The following DNAH3 variants were observed in gnomAD, a reference collection of about 807,000 sequenced individuals.
DNAH3 encodes the protein axonemal beta dynein heavy chain 3.
Under a neutral mutation model 432.5 loss-of-function variants are expected in DNAH3, and 332 were observed. That is an observed-to-expected ratio of 0.77 (90% CI 0.70 to 0.84). The LOEUF (loss-of-function observed/expected upper bound fraction) is 0.84. Ranked by LOEUF, DNAH3 falls within the 40% of genes least tolerant of loss-of-function variation. The probability of loss-of-function intolerance (pLI) is 0.00; values close to 1 mark genes in which losing one functional copy is unlikely to be tolerated. For missense variants in DNAH3, 4,861 were observed against 5,114.0 expected (o/e 0.95, Z 1.51); for synonymous variants, 1,956 against 1,900.2 (o/e 1.03, Z -0.76).
chr16:20,957,002 T>G (rs1316504963), intron 54 of DNAH3, among the ~76,000 whole-genome samples: 2 of 152,178 alleles, frequency 1.3e-5, no homozygotes, highest in Non-Finnish European at 2.9e-5. Flanking sequence ...GGATTACAGG[T>G]GTGAGCCACC....
chr16:21,069,972 C>A (rs1310562320), intron 22 of DNAH3, among the ~76,000 whole-genome samples: 2 of 152,118 alleles, frequency 1.3e-5, no homozygotes, highest in Admixed American at 1.3e-4. Flanking sequence ...TGAAACACAA[C>A]AGTTTAGTAA....
intron 22 of DNAH3, among the ~76,000 whole-genome samples, chr16:21,069,809 C>T (rs920013120): frequency 6.6e-6 from 1 of 152,166 alleles, no homozygotes; most frequent in Non-Finnish European, 1.5e-5. Context: ...TTGCCCTTTA[C>T]GGAGCTCACG....
intron 14 of DNAH3, among the ~76,000 whole-genome samples, 184 bp downstream of exon 14, chr16:21,111,442 G>T (rs2092069266): frequency 6.6e-6 from 1 of 152,014 alleles, no homozygotes; most frequent in Admixed American, 6.6e-5. Context: ...CCCCCATGTC[G>T]CTTTCTCTTG....
intron 41 of DNAH3, among the ~76,000 whole-genome samples, chr16:21,004,069 G>C (rs1031335157): frequency 1.3e-5 from 2 of 152,084 alleles, no homozygotes; most frequent in Admixed American, 6.5e-5. Flanking sequence ...TGACTTTCAG[G>C]TACAGTTTTT....
intron 54 of DNAH3, among the ~76,000 whole-genome samples, chr16:20,957,145 T>C (rs1474554564): frequency 6.6e-6 from 1 of 152,234 alleles, no homozygotes; most frequent in Non-Finnish European, 1.5e-5. Context: ...ACACTTTCCC[T>C]CTTTTCTGGC....
At position 20,982,897 on chromosome 16, in the gene DNAH3, G is replaced by A; in HGVS notation, c.7683C>T (p.Ser2561=). Residue 2561 remains serine (S), a synonymous_variant, in exon 49 of 62, where the codon TCC becomes TCT. Transcript: ENST00000261383. The stretch of plus-strand genomic sequence containing the variant: ...CTATTGGACTCATGGCTAATGAAAA[G>A]GAGATTTTGTTAATTACCTTCCTCC... The A allele has an allele frequency of 6.2e-7, 1 of 1,613,678 alleles. No individual in the cohort carries two copies. Among genetic ancestry groups the A allele is most frequent in the East Asian group, 2.2e-5 (1 of 44,880 alleles).
intron 59 of DNAH3, among the ~76,000 whole-genome samples, chr16:20,937,529 CTTT>C (rs71377696): frequency 4.1e-5 from 5 of 121,290 alleles, no homozygotes; most frequent in Admixed American, 1.7e-4. Context: ...CAAAGTTGTT[CTTT>C]TTTTTTTTTT....
chr16:21,097,455 A>T (rs754421974), exon 18 of DNAH3: 6 of 1,613,884 alleles, frequency 3.7e-6, no homozygotes, highest in Non-Finnish European at 3.4e-6. Context: ...GAAGAGGGTA[A>T]GTACTCTTCT....
intron 3 of DNAH3, among the ~76,000 whole-genome samples, chr16:21,144,215 G>A (rs2092754338): frequency 1.3e-5 from 2 of 152,084 alleles, no homozygotes; most frequent in Admixed American, 1.3e-4. Flanking sequence ...CTCTCCCCTT[G>A]AGTATGGGCT....
chr16:21,086,808 TG>T (rs2091389397), intron 19 of DNAH3, 40 bp downstream of exon 19: 1 of 1,575,018 alleles, frequency 6.3e-7, no homozygotes, highest in Admixed American at 1.7e-5. Flanking sequence ...GGGCCAGGCC[TG>T]GGCTGCGCTG....
exon 21 of DNAH3, chr16:21,075,510 G>A: frequency 6.2e-7 from 1 of 1,614,070 alleles, no homozygotes; most frequent in Non-Finnish European, 8.5e-7. Flanking sequence ...TTCTATCCAA[G>A]TTTTTCTCCA....
intron 44 of DNAH3, among the ~76,000 whole-genome samples, chr16:20,993,470 G>T (rs2086640987): frequency 6.6e-6 from 1 of 152,116 alleles, no homozygotes; most frequent in Admixed American, 6.5e-5. Context: ...CTCTGAGTTT[G>T]TGCATGTTGA....
intron 7 of DNAH3, chr16:21,129,403 G>A (rs1240328315): frequency 2.6e-5 from 4 of 152,132 alleles, no homozygotes; most frequent in Non-Finnish European, 4.4e-5. Context: ...CCTTCCAAAG[G>A]GCCAGAATGG....
chr16:20,956,074 C>G (rs1274366267), intron 54 of DNAH3, among the ~76,000 whole-genome samples: 1 of 151,816 alleles, frequency 6.6e-6, no homozygotes, highest in African/African-American at 2.4e-5. Context: ...ACTACAGGTG[C>G]CCGCCACTAT....
At chr16:21,140,343 A>G (rs1339200424) in intron 5 of DNAH3, 193 bp downstream of exon 6, 1 of 532,122 alleles carries the variant, frequency 1.9e-6, no homozygotes, top group South Asian at 2.9e-5. Context: ...ATGTACACAC[A>G]CTCTCTCTCC....
chr16:20,963,241 A>G, intron 53 of DNAH3, 43 bp downstream of exon 53: 1 of 1,578,274 alleles, frequency 6.3e-7, no homozygotes. Flanking sequence ...CCACCCACAC[A>G]TACTGGGCTT....
chr16:20,966,014 ATTTTTTTTTTTTTTTTTTT>A (rs555983378), intron 52 of DNAH3, among the ~76,000 whole-genome samples: 34 of 48,390 alleles, frequency 7.0e-4, no homozygotes, highest in South Asian at 1.2e-3. Context: ...TGCCCAGCCA[ATTTTTTTTTTTTTTTTTTT>A]TTTTTTTTTT....
intron 1 of DNAH3, among the ~76,000 whole-genome samples, chr16:21,148,165 C>G (rs2092808951): frequency 6.6e-6 from 1 of 152,044 alleles, no homozygotes; most frequent in Non-Finnish European, 1.5e-5. Flanking sequence ...CCCTCTGCCC[C>G]CAACCCCTTA....
At chr16:21,069,615 A>T (rs776232957) in intron 22 of DNAH3, 21 bp from the exon 23 acceptor site, 1 of 1,599,700 alleles carries the variant, frequency 6.3e-7, no homozygotes, top group Non-Finnish European at 8.5e-7. Flanking sequence ...AGCATTTCAT[A>T]TCTGGATCAT....
Sources: gnomAD v4.1 joint callset for allele counts (sites outside exome capture counted in the v4.1 genomes callset) on GRCh38, gnomAD v4.1.1 for gene constraint, MANE v1.5 for transcripts, NCBI Gene and HGNC (gene_info 2026-07-23, HGNC 2026-07-21) for gene names.